GSTA5: variants seen among roughly 807,000 people sequenced by gnomAD.
The protein encoded by GSTA5 is glutathione S-transferase A5.
Under a neutral mutation model 21.8 loss-of-function variants are expected in GSTA5, and 25 were observed. That is an observed-to-expected ratio of 1.14 (90% confidence interval 0.83 to 1.60). The LOEUF (loss-of-function observed/expected upper bound fraction) is 1.60, where lower values mean the gene tolerates loss of function less well. Among genes scored for constraint, GSTA5 ranks in the 40% most tolerant of loss-of-function variants. The probability of loss-of-function intolerance (pLI) is 0.00; values close to 1 mark genes in which losing one functional copy is unlikely to be tolerated. For synonymous variants in GSTA5, 102 were observed against 89.5 expected, an observed-to-expected ratio of 1.14 and a Z score of -0.78; for missense variants, 330 against 259.2, an observed-to-expected ratio of 1.27 and a Z score of -1.88.
intron 1 of GSTA5, among the ~76,000 whole-genome samples, chr6:52,839,790 C>T (rs1305307302): frequency 1.3e-5 from 2 of 152,216 alleles, no homozygotes; most frequent in Admixed American, 6.5e-5. Context: ...CCCACAGACA[C>T]CTCCAGGCAT....
chr6:52,842,357 T>C (rs1401523299), upstream of GSTA5, among the ~76,000 whole-genome samples: 1 of 152,148 alleles, frequency 6.6e-6, no homozygotes, highest in Non-Finnish European at 1.5e-5. Flanking sequence ...GTTTTGTGGT[T>C]GTTGAGTTTA....
chr6:52,832,820 A>G lies in GSTA5; in HGVS notation c.546+39T>C, dbSNP rs755740800. 3 of 1,612,600 alleles carry G rather than the reference A, an allele frequency of 1.9e-6. No homozygotes were observed. The East Asian group carries it at 6.7e-5, about 36-fold the overall frequency. ...CCCAGATATGAGATCCCAATATAAG[A>G]GATGTGGGGCTGTCTCTCTGGGCTG... is the stretch of plus-strand genomic sequence containing the variant. On this transcript the variant is annotated intron_variant, in intron 5 of 5. Coordinates refer to ENST00000370989, the Ensembl canonical transcript of GSTA5.
chr6:52,836,169 C>A, intron 3 of GSTA5, 67 bp downstream of exon 3: 2 of 1,567,210 alleles, frequency 1.3e-6, no homozygotes, highest in Non-Finnish European at 1.7e-6. Context: ...ATGGTCCCAC[C>A]CACTCAAAGA....
upstream of GSTA5, among the ~76,000 whole-genome samples, chr6:52,843,703 G>T (rs1764415053): frequency 6.6e-6 from 1 of 152,180 alleles, no homozygotes; most frequent in African/African-American, 2.4e-5. Context: ...AATGCAAATA[G>T]CATTATTCAG....
At chr6:52,843,165 G>A (rs1448949250), upstream of GSTA5, among the ~76,000 whole-genome samples, 1 of 152,088 alleles carries the variant, frequency 6.6e-6, no homozygotes, top group African/African-American at 2.4e-5. Flanking sequence ...TGGGCATTTG[G>A]GTTGGTTCCA....
chr6:52,832,942 A>G lies in GSTA5; in HGVS notation c.463T>C (p.Trp155Arg), dbSNP rs747083239. The stretch of plus-strand genomic sequence containing the variant: ...AGTTCCACCAGGTGAATGTCAGCCC[A>G]GCTCAGCTTGTTGCCAACAAGGTAG... The change falls in exon 5 of 6, where the codon TGG (tryptophan) becomes CGG (arginine). Residue 155 changes from tryptophan (W) to arginine (R), a missense_variant. Physicochemically the swap from Trp to Arg is moderately radical, Grantham distance 101. Transcript: ENST00000370989. 8.1e-6 allele frequency: 13 copies of G among 1,614,028 alleles called. No individual in the cohort carries two copies. The Admixed American group carries it at 1.3e-4, about 17-fold the overall frequency.
At chr6:52,846,007 C>T in the GSTA5 span, 1 of 155,814 alleles carries the variant, frequency 6.4e-6, no homozygotes, top group African/African-American at 2.4e-5. Context: ...TTCTGGGAGG[C>T]TAGAGAGGAG....
chr6:52,836,155 T>C (rs2127324010), intron 3 of GSTA5, 81 bp downstream of exon 3: 1 of 1,500,638 alleles, frequency 6.7e-7, no homozygotes, highest in East Asian at 2.3e-5. Flanking sequence ...CATGATGCCC[T>C]GCCATGGTCC....
chr6:52,838,339 C>G (rs1764321231), intron 1 of GSTA5, among the ~76,000 whole-genome samples: 1 of 152,170 alleles, frequency 6.6e-6, no homozygotes, highest in Admixed American at 6.5e-5. Flanking sequence ...GTATGCTAAT[C>G]TATGAAATGG....
At position 52,840,753 on chromosome 6, in the gene GSTA5, A is replaced by T. The variant is rs760748448; in HGVS notation, c.61T>A (p.Trp21Arg). The change falls in exon 1 of 6, where the codon TGG becomes AGG. Residue 21 changes from tryptophan (W) to arginine (R), a missense_variant. Coordinates refer to ENST00000370989, the Ensembl canonical transcript of GSTA5. ...TCTACTCCAGCTGCAGCCAGGAGCC[A>T]CCGAATGGACTCCATACTGCCCCGT... is the stretch of plus-strand genomic sequence containing the variant. The T allele has an allele frequency of 3.1e-6, 5 of 1,614,086 alleles. No homozygotes were observed. The South Asian group carries it at 5.5e-5, about 18-fold the overall frequency.
chr6:52,842,406 CTTTT>C (rs3063633), upstream of GSTA5, among the ~76,000 whole-genome samples: 1 of 128,800 alleles, frequency 7.8e-6, no homozygotes. Context: ...TAATGTATTT[CTTTT>C]TTTTTTTTTT....
At chr6:52,834,105 A>C in intron 4 of GSTA5, 36 bp downstream of exon 4, 2 of 1,613,524 alleles carry the variant, frequency 1.2e-6, no homozygotes, top group Non-Finnish European at 1.7e-6. Flanking sequence ...TGGTGTCTAA[A>C]CTCAGTTCCC....
upstream of GSTA5, among the ~76,000 whole-genome samples, chr6:52,842,604 C>T (rs1488362456): frequency 2.0e-5 from 3 of 152,046 alleles, no homozygotes; most frequent in Non-Finnish European, 4.4e-5. Context: ...AGGGCTTCAG[C>T]ATGTTGGCCA....
chr6:52,840,727 C>T (rs770825541), exon 1 of GSTA5: 1 of 1,613,754 alleles, frequency 6.2e-7, no homozygotes, highest in South Asian at 1.1e-5. Context: ...CAGAACCTAC[C>T]TCTACTCCAG....
intron 3 of GSTA5, among the ~76,000 whole-genome samples, 181 bp downstream of exon 3, chr6:52,836,055 C>T (rs1234233476): frequency 6.6e-6 from 1 of 152,170 alleles, no homozygotes; most frequent in Non-Finnish European, 1.5e-5. Flanking sequence ...CTTGCCTGAA[C>T]CCTCCCCATG....
intron 3 of GSTA5, 51 bp downstream of exon 3, chr6:52,836,185 T>C (rs764292816): frequency 6.2e-7 from 1 of 1,602,216 alleles, no homozygotes. Flanking sequence ...AAAGAAGGAC[T>C]TAAATCACTC....
At chr6:52,840,703 A>C in intron 1 of GSTA5, 24 bp downstream of exon 1, 1 of 1,602,050 alleles carries the variant, frequency 6.2e-7, no homozygotes, top group South Asian at 1.1e-5. Flanking sequence ...AATCCAACTT[A>C]AGATGACCTT....
chr6:52,838,095 A>T (rs1426837826), intron 1 of GSTA5, among the ~76,000 whole-genome samples: 2 of 152,254 alleles, frequency 1.3e-5, no homozygotes, highest in East Asian at 3.8e-4. Context: ...TAAGGGTGAA[A>T]TAAGTTGCAG....
At chr6:52,842,866 A>T (rs191134070), upstream of GSTA5, among the ~76,000 whole-genome samples, 1 of 152,210 alleles carries the variant, frequency 6.6e-6, no homozygotes, top group African/African-American at 2.4e-5. Context: ...CCCGTCATCT[A>T]TATTAGGTAT....
Sources: gnomAD v4.1 joint callset for allele counts (sites outside exome capture counted in the v4.1 genomes callset) on GRCh38, gnomAD v4.1.1 for gene constraint, MANE v1.5 for transcripts, NCBI Gene and HGNC (gene_info 2026-07-23, HGNC 2026-07-21) for gene names.